KDM1B: variants seen among roughly 807,000 people sequenced by gnomAD.
KDM1B encodes the protein lysine-specific histone demethylase 2.
A neutral mutation model predicts 107.4 loss-of-function variants in KDM1B; 63 were observed. The observed-to-expected ratio is 0.59, with a 90% CI of 0.48 to 0.72. The LOEUF is 0.72. KDM1B is among the 30% of genes least tolerant of loss of function. The pLI, the probability that KDM1B is intolerant of heterozygous loss-of-function variation, is 0.00. For missense variants in KDM1B, 749 were observed against 1,020.8 expected, an observed-to-expected ratio of 0.73 and a Z score of 3.63; for synonymous variants, 363 against 363.9, an observed-to-expected ratio of 1.00 and a Z score of 0.03.
intron 6 of KDM1B, among the ~76,000 whole-genome samples, chr6:18,170,233 G>A (rs559873933): frequency 1.5e-3 from 224 of 152,260 alleles, no homozygotes; most frequent in Non-Finnish European, 2.6e-3. Context: ...GAGTTGCTAA[G>A]ATAGTACAGA....
At chr6:18,161,575 A>G (rs1325816721) in intron 4 of KDM1B, 121 bp downstream of exon 4, 3 of 1,049,820 alleles carry the variant, frequency 2.9e-6, no homozygotes, top group Non-Finnish European at 2.7e-6. Context: ...CATCTAATCT[A>G]ATAATAGAGA....
Position 18,201,635 on chromosome 6 carries a change from G to A in KDM1B, c.1509G>A (p.Gln503=), listed in dbSNP as rs1331735532. ...CTGAGTGGAGAAAGGATAAGACTCA[G>A]CTCCAAGATGTCCCTTTAGGAGGTA... ...VVSEWRKDKT[Q]LQDVPLGEKI... is the part of the protein sequence containing the mutation. The change falls in exon 14 of 22, where the codon CAG becomes CAA. Residue 503 remains glutamine (Q), a synonymous_variant. Coordinates refer to ENST00000650836, the MANE Select transcript of KDM1B (RefSeq NM_001364614.2). The surrounding 1 kb of genome is among the most constrained non-coding windows in gnomAD (Gnocchi z 4.3). 6.5e-7 allele frequency: 1 copy of A among 1,550,312 alleles called. No homozygotes were observed. The highest frequency in any genetic ancestry group is 8.7e-7 in the Non-Finnish European group (1 of 1,146,860).
chr6:18,183,682 A>G (rs878999095), intron 7 of KDM1B, among the ~76,000 whole-genome samples: 11 of 152,060 alleles, frequency 7.2e-5, no homozygotes. Flanking sequence ...ACAATTGTTT[A>G]TATTCCTCTT....
chr6:18,185,459 G>T (rs1786795729), intron 7 of KDM1B, among the ~76,000 whole-genome samples: 1 of 152,082 alleles, frequency 6.6e-6, no homozygotes, highest in Non-Finnish European at 1.5e-5. Flanking sequence ...CTGCCACTAT[G>T]CCTGGCTAAT....
At chr6:18,207,862 A>G (rs1179309973) in intron 16 of KDM1B, among the ~76,000 whole-genome samples, 1 of 152,126 alleles carries the variant, frequency 6.6e-6, no homozygotes, top group African/African-American at 2.4e-5. Context: ...TGTTATTGTA[A>G]TCATGGGGGT....
chr6:18,212,595 C>T lies in KDM1B; in HGVS notation c.1974C>T (p.Ile658=). 6.2e-7 allele frequency: 1 copy of T among 1,609,218 alleles called. No individual in the cohort carries two copies. Among genetic ancestry groups the T allele is most frequent in the Non-Finnish European group, 8.5e-7 (1 of 1,175,464 alleles). Residue 658 remains isoleucine, a synonymous_variant, in exon 18 of 22, where the codon ATC becomes ATT. Transcript: ENST00000650836. The surrounding 1 kb of genome is among the most constrained non-coding windows in gnomAD (Gnocchi z 5.2). The part of the protein sequence containing the change: ...MKAINSLGAG[I]IEKIALQFPY... ...CTATCAACAGCTTAGGCGCAGGCAT[C>T]ATTGAAAAGGTGACTGAAATGACCT...
chr6:18,184,269 GCTT>G (rs1331288487), intron 7 of KDM1B, among the ~76,000 whole-genome samples: 2 of 129,578 alleles, frequency 1.5e-5, no homozygotes, highest in Non-Finnish European at 3.4e-5. Flanking sequence ...GATTGTTCTA[GCTT>G]CTTTTTTTTT....
intron 7 of KDM1B, among the ~76,000 whole-genome samples, chr6:18,173,949 C>G (rs1785825727): frequency 6.6e-6 from 1 of 152,076 alleles, no homozygotes; most frequent in Non-Finnish European, 1.5e-5. Flanking sequence ...CCACACCTGG[C>G]TAATTTTTGT....
Position 18,209,815 on chromosome 6 carries a change from C to T in KDM1B, c.1866+1609C>T, listed in dbSNP as rs1454629365. 3.3e-5 allele frequency among the ~76,000 whole-genome samples: 5 copies of T among 152,120 alleles called. No individual in the cohort carries two copies. Among genetic ancestry groups the T allele is most frequent in the Admixed American group, 2.6e-4 (4 of 15,274 alleles). ...TTCTCAAGTGATTCCAGTGTGCAGC[C>T]GTGGTTGAGAACCTTGTCTGCAGTG... On this transcript the variant is annotated intron_variant, in intron 17 of 21. Transcript: ENST00000650836. The surrounding 1 kb of genome is among the most constrained non-coding windows in gnomAD (Gnocchi z 4.3).
At chr6:18,208,252 A>G (rs1696548143) in intron 17 of KDM1B, 46 bp downstream of exon 17, 3 of 1,342,628 alleles carry the variant, frequency 2.2e-6, no homozygotes, top group Admixed American at 2.1e-5. Context: ...CTTTGCTGCC[A>G]GGGGCTTGGA....
chr6:18,189,093 A>C (rs1787099074), intron 9 of KDM1B, among the ~76,000 whole-genome samples: 1 of 152,010 alleles, frequency 6.6e-6, no homozygotes, highest in African/African-American at 2.4e-5. Flanking sequence ...CTGATTATTT[A>C]CTTTAAAGGC....
intron 5 of KDM1B, among the ~76,000 whole-genome samples, chr6:18,165,481 A>T (rs578053006): frequency 1.3e-5 from 2 of 152,158 alleles, no homozygotes; most frequent in East Asian, 3.9e-4. Flanking sequence ...TATTTCATCT[A>T]CTGATGTAAT....
chr6:18,216,694 C>T (rs1789261916), intron 20 of KDM1B, among the ~76,000 whole-genome samples: 1 of 152,160 alleles, frequency 6.6e-6, no homozygotes, highest in African/African-American at 2.4e-5. Context: ...CCAGTACCTC[C>T]ACACTGTAGA....
rs192223717 is a variant in KDM1B at position 18,212,197 on chromosome 6, G to A, written c.1867-291G>A. ...TGACCTCAGGTGATCCACCCGCCTC[G>A]GCCTCTCAAAGTGCTGGGATTACAG... is the stretch of plus-strand genomic sequence containing the variant. On this transcript the variant is annotated intron_variant, in intron 17 of 21. Coordinates refer to ENST00000650836, the MANE Select transcript of KDM1B (RefSeq NM_001364614.2). The surrounding 1 kb of genome is among the most constrained non-coding windows in gnomAD (Gnocchi z 5.2). 2.1e-4 allele frequency: 63 copies of A among 299,264 alleles called. 1 individual carries two copies. The highest frequency in any genetic ancestry group is 1.1e-3 in the Middle Eastern group (1 of 900). The allele number at this position is 299,264 out of a possible 1,614,324, so 18.5% of individuals were successfully genotyped here. A position where few individuals can be genotyped will look rare whatever the true frequency, so the allele number is the denominator to read the frequency against.
intron 7 of KDM1B, among the ~76,000 whole-genome samples, chr6:18,182,989 A>G (rs1786579475): frequency 6.6e-6 from 1 of 152,238 alleles, no homozygotes; most frequent in Non-Finnish European, 1.5e-5. Flanking sequence ...TTTTGAGTAT[A>G]TTTGTAAGAT....
intron 21 of KDM1B, among the ~76,000 whole-genome samples, chr6:18,218,889 A>G (rs1378207593): frequency 1.3e-5 from 2 of 151,804 alleles, no homozygotes; most frequent in African/African-American, 4.8e-5. Flanking sequence ...ATTTAATTTA[A>G]TTATTTTATT....
Position 18,192,211 on chromosome 6 carries a change from G to A in KDM1B, c.969+830G>A, listed in dbSNP as rs140892827. ...TGGGAGGTCAAGGCTGCAGTAAGCC[G>A]TGATTGTGCCACTGCACTCTAGCTT... On this transcript the variant is annotated intron_variant, in intron 10 of 21. Transcript: ENST00000650836. Among the ~76,000 whole-genome samples the A allele has an allele frequency of 6.9e-3, 1,049 of 152,318 alleles. 14 individuals are homozygous for A. Among genetic ancestry groups the A allele is most frequent in the African/African-American group, 0.023 (944 of 41,564 alleles).
intron 20 of KDM1B, among the ~76,000 whole-genome samples, chr6:18,215,351 T>G (rs964558189): frequency 6.6e-6 from 1 of 152,188 alleles, no homozygotes; most frequent in Non-Finnish European, 1.5e-5. Context: ...CAACAGAAAC[T>G]TATTCCTCAC....
At chr6:18,193,352 G>GGA (rs1388032368) in intron 10 of KDM1B, among the ~76,000 whole-genome samples, 2 of 132,846 alleles carry the variant, frequency 1.5e-5, no homozygotes, top group East Asian at 2.2e-4. Context: ...TGCCCAGGCT[G>GGA]GAGTACAGTG....
Sources: gnomAD v4.1 joint callset for allele counts (sites outside exome capture counted in the v4.1 genomes callset) on GRCh38, gnomAD v4.1.1 for gene constraint, Gnocchi (gnomAD v3.1) non-coding constraint, MANE v1.5 for transcripts, NCBI Gene and HGNC (gene_info 2026-07-23, HGNC 2026-07-21) for gene names.